Variants in BTBD16 observed in about 807,000 individuals in gnomAD.
The protein encoded by BTBD16 is BTB domain containing 16.
In BTBD16, 66 loss-of-function variants were observed where a neutral mutation model predicts 67.4. That is an observed-to-expected ratio of 0.98 (90% CI 0.80 to 1.20). The LOEUF (loss-of-function observed/expected upper bound fraction) is 1.20. BTBD16 is among the 50% of genes most tolerant of loss of function. The pLI is 0.00. For missense variants in BTBD16, 634 were observed against 616.0 expected (o/e 1.03, Z -0.31); for synonymous variants, 242 against 236.4 (o/e 1.02, Z -0.22).
At chr10:122,315,726 G>T (rs2096422938) in intron 10 of BTBD16, among the ~76,000 whole-genome samples, 1 of 152,016 alleles carries the variant, frequency 6.6e-6, no homozygotes, top group South Asian at 2.1e-4. Context: ...GTCAATTTTA[G>T]TTATGTTCTG....
At chr10:122,294,948 C>T in intron 7 of BTBD16, among the ~76,000 whole-genome samples, 1 of 152,248 alleles carries the variant, frequency 6.6e-6, no homozygotes, top group East Asian at 1.9e-4. Context: ...GGCTCCTGGA[C>T]CCGATGAGGG....
intron 5 of BTBD16, 46 bp from the exon 6 acceptor site, chr10:122,289,863 C>A (rs772612051): frequency 6.7e-7 from 1 of 1,503,430 alleles, no homozygotes; most frequent in Non-Finnish European, 9.2e-7. Context: ...TGTGTCTTCA[C>A]CACGGTTATC....
intron 3 of BTBD16, among the ~76,000 whole-genome samples, chr10:122,278,016 C>G (rs2096344608): frequency 6.6e-6 from 1 of 152,192 alleles, no homozygotes; most frequent in African/African-American, 2.4e-5. Flanking sequence ...AGAAGAACTG[C>G]CTGCTCAATC....
chr10:122,312,638 G>A (rs2096416108), intron 10 of BTBD16, among the ~76,000 whole-genome samples: 1 of 152,084 alleles, frequency 6.6e-6, no homozygotes, highest in Admixed American at 6.6e-5. Flanking sequence ...CTAATGGATG[G>A]AGAGTGGAAC....
intron 10 of BTBD16, among the ~76,000 whole-genome samples, chr10:122,329,148 T>C (rs7087422): frequency 0.058 from 8,823 of 152,168 alleles, 280 homozygotes; most frequent in African/African-American, 0.085. Context: ...AGTGAGAAAA[T>C]GCATATTGAG....
In BTBD16 at chr10:122,324,434, C is replaced by T. The variant is rs564807728; in HGVS notation, c.912-5046C>T. Among the ~76,000 whole-genome samples the T allele has an allele frequency of 1.7e-4, 26 of 152,330 alleles. No individual in the cohort carries two copies. The South Asian group carries it at 4.1e-3, about 24-fold the overall frequency. On this transcript the variant is annotated intron_variant, in intron 10 of 15. Coordinates refer to ENST00000260723, the MANE Select transcript of BTBD16 (RefSeq NM_144587.5). ...TATGATGCTGTGTCCCCAGGGTGGG[C>T]GAGGCCATGTGCCTCTTGTGATTCA...
intron 10 of BTBD16, among the ~76,000 whole-genome samples, chr10:122,310,750 G>T (rs767807499): frequency 1.4e-4 from 22 of 152,168 alleles, no homozygotes; most frequent in Non-Finnish European, 2.9e-4. Flanking sequence ...TCTACTTCCC[G>T]GGGAGGGGGA....
chr10:122,291,199 G>A lies in BTBD16; in HGVS notation c.590+5G>A. The A allele has an allele frequency of 6.2e-7, 1 of 1,608,250 alleles. No homozygotes were observed. The highest frequency in any genetic ancestry group is 8.5e-7 in the Non-Finnish European group (1 of 1,177,208). On this transcript the variant is annotated splice_donor_5th_base_variant and intron_variant, in intron 7 of 15. Transcript: ENST00000260723. ...GTTCAGTGGCCTGTTTCAAAGGTAA[G>A]GAAACAAGGCTGACTTTGGGCAGGG...
chr10:122,331,258 A>G lies in BTBD16; in HGVS notation c.1086A>G (p.Ala362=). 6.2e-7 allele frequency: 1 copy of G among 1,613,156 alleles called. No homozygotes were observed. Among genetic ancestry groups the G allele is most frequent in the Non-Finnish European group, 8.5e-7 (1 of 1,179,786 alleles). The change falls in exon 12 of 16, where the codon GCA becomes GCG. Residue 362 remains alanine (A), a splice_region_variant and synonymous_variant. Transcript: ENST00000260723. The stretch of plus-strand genomic sequence containing the variant: ...AGGTTACAGTCAACCATTACCACGC[A>G]GTGAGTTGCCTGCTCTGCAAGGACA... ...LDQVTVNHYH[A]LENGGDMVHL...
chr10:122,291,417 G>A lies in BTBD16; in HGVS notation c.590+223G>A, dbSNP rs1038671741. ...CGCTAGTTTTAACCAAACGATTCTC[G>A]ACTCACAGGAATGAAATGCAAATGG... On this transcript the variant is annotated intron_variant, in intron 7 of 15. Coordinates refer to ENST00000260723, the MANE Select transcript of BTBD16 (RefSeq NM_144587.5). The A allele has an allele frequency of 2.2e-5, 10 of 464,686 alleles. 1 individual carries two copies. Among genetic ancestry groups the A allele is most frequent in the South Asian group, 4.8e-5 (1 of 20,644 alleles). The allele number at this position is 464,686 out of a possible 1,614,324, so 28.8% of individuals were successfully genotyped here.
Position 122,327,607 on chromosome 10 carries a change from A to G in BTBD16, c.912-1873A>G, listed in dbSNP as rs547960357. 5.1e-6 allele frequency: 5 copies of G among 985,398 alleles called. No homozygotes were observed. In the East Asian group the frequency reaches 3.4e-4, roughly 67 times the overall value. The allele number at this position is 985,398 out of a possible 1,614,324, so 61.0% of individuals were successfully genotyped here. ...GCTTGGTTGGATGATGAGATGACTC[A>G]TGGCCTCTCCATGTCATCCACAAAA... is the stretch of plus-strand genomic sequence containing the variant. On this transcript the variant is annotated intron_variant, in intron 10 of 15. Coordinates refer to ENST00000260723, the MANE Select transcript of BTBD16 (RefSeq NM_144587.5).
In BTBD16 at chr10:122,338,063, C is replaced by T. The variant is rs2133337165; in HGVS notation, c.1499C>T (p.Ala500Val). ...GGCATCCCAATCTATGTAAGTTTTGCATTCATCTTCCCAGCATCTTGACAG... is the reference window on the plus strand; with the variant it reads ...GGCATCCCAATCTATGTAAGTTTTGTATTCATCTTCCCAGCATCTTGACAG... ...TVGIPIYVSF[A>V]FIFPAS The change falls in exon 16 of 16, where the codon GCA (alanine) becomes GTA (valine). Residue 500 changes from alanine (A) to valine (V), a missense_variant. Ala to Val is a moderately conservative substitution (Grantham distance 64). Transcript: ENST00000260723. 1.2e-6 allele frequency: 2 copies of T among 1,609,230 alleles called. No individual in the cohort carries two copies. The highest frequency in any genetic ancestry group is 1.7e-4 in the Middle Eastern group (1 of 6,054).
intron 3 of BTBD16, among the ~76,000 whole-genome samples, chr10:122,282,050 A>G (rs1188572615): frequency 6.6e-6 from 1 of 152,210 alleles, no homozygotes; most frequent in Non-Finnish European, 1.5e-5. Flanking sequence ...AGCAGAGCCT[A>G]CATGACGAAT....
intron 4 of BTBD16, 40 bp downstream of exon 4, chr10:122,283,964 T>C (rs763400110): frequency 1.4e-6 from 2 of 1,474,808 alleles, no homozygotes; most frequent in East Asian, 2.3e-5. Context: ...AGAATGTTGC[T>C]GATTTCAGGG....
At position 122,286,264 on chromosome 10, in the gene BTBD16, C is replaced by A. The variant is rs549542486; in HGVS notation, c.385+16C>A. 102 of 1,595,976 alleles carry A rather than the reference C, an allele frequency of 6.4e-5. No individual in the cohort carries two copies. The South Asian group carries it at 1.0e-3, about 16-fold the overall frequency. On this transcript the variant is annotated intron_variant, in intron 5 of 15. Transcript: ENST00000260723. Reference sequence around the variant, plus strand: ...CTTCTGCGAGGTACTTCCTCCCTGGCACCCAGTGCTGGAGCCCCAGTGCCC... The same window carrying A: ...CTTCTGCGAGGTACTTCCTCCCTGGAACCCAGTGCTGGAGCCCCAGTGCCC...
In BTBD16 at chr10:122,297,953, T is replaced by C. The variant is rs2096386675; in HGVS notation, c.660+116T>C. On this transcript the variant is annotated intron_variant, in intron 8 of 15. Transcript: ENST00000260723. ...CCCCCAGAATATCTATTTGAAGTCA[T>C]CAAATATTTTATTTTGCCACATGAA... 1.4e-5 allele frequency: 12 copies of C among 843,664 alleles called. No individual in the cohort carries two copies. The South Asian group carries it at 2.0e-4, about 14-fold the overall frequency. 52.3% of individuals were successfully genotyped at this position (843,664 alleles called of 1,614,324 possible).
At chr10:122,290,026 G>T in intron 6 of BTBD16, 28 bp downstream of exon 6, 5 of 1,440,552 alleles carry the variant, frequency 3.5e-6, no homozygotes, top group Non-Finnish European at 4.8e-6. Flanking sequence ...TATATTCTGA[G>T]AATGCCATTG....
chr10:122,295,953 A>G (rs910413866), intron 7 of BTBD16, among the ~76,000 whole-genome samples: 3 of 151,386 alleles, frequency 2.0e-5, no homozygotes, highest in East Asian at 4.1e-4. Flanking sequence ...GCCACAGAAC[A>G]CCAATTTTCT....
rs147081727 is a variant in BTBD16 at position 122,302,118 on chromosome 10, G to A, written c.791+2984G>A. The stretch of plus-strand genomic sequence containing the variant: ...TGTGGTCACATGTGTTTGGAACAAC[G>A]TCCATTTCTCAGCAGATGCTGCAGC... On this transcript the variant is annotated intron_variant, in intron 9 of 15. Transcript: ENST00000260723. Among the ~76,000 whole-genome samples, 970 of 152,228 alleles carry A rather than the reference G, an allele frequency of 6.4e-3. 19 individuals carry two copies. The highest frequency in any genetic ancestry group is 0.023 in the African/African-American group (941 of 41,550).
Sources: allele counts gnomAD v4.1 joint callset (sites outside exome capture counted in the v4.1 genomes callset), GRCh38; gene constraint gnomAD v4.1.1; transcripts MANE v1.5; gene names NCBI Gene and HGNC (gene_info 2026-07-23, HGNC 2026-07-21).